Variants in COL3A1 observed in about 807,000 individuals in gnomAD.
The protein encoded by COL3A1 is collagen type III alpha 1 chain, also known as collagen alpha-1(III) chain.
COL3A1 carries 46 observed loss-of-function variants against 200.9 expected under a neutral mutation model. The ratio of observed to expected loss-of-function variants is 0.23; its 90% CI spans 0.18 to 0.29. COL3A1 has a LOEUF of 0.29. COL3A1 is among the 10% of genes least tolerant of loss of function. COL3A1 has a pLI of 1.00. For missense variants in COL3A1, 1,367 were observed against 1,917.6 expected, an observed-to-expected ratio of 0.71 and a Z score of 5.36; for synonymous variants, 650 against 628.0, an observed-to-expected ratio of 1.03 and a Z score of -0.52.
At chr2:188,974,926 T>C (rs1687776360) in intron 1 of COL3A1, among the ~76,000 whole-genome samples, 4 of 152,188 alleles carry the variant, frequency 2.6e-5, no homozygotes, top group Non-Finnish European at 5.9e-5. Flanking sequence ...CTTGCAATAA[T>C]TTTATGTTCC....
At chr2:188,998,443 T>G (rs530455861) in intron 28 of COL3A1, 124 bp downstream of exon 28, 3 of 1,006,266 alleles carry the variant, frequency 3.0e-6, no homozygotes, top group Non-Finnish European at 4.5e-6. Flanking sequence ...AGTTTTGAAA[T>G]ATTATCAAAA....
intron 28 of COL3A1, 104 bp downstream of exon 28, chr2:188,998,423 T>C: frequency 9.3e-7 from 1 of 1,071,280 alleles, no homozygotes; most frequent in Non-Finnish European, 1.4e-6. Context: ...ATATTTGAGA[T>C]TTAACATTTA....
chr2:188,997,807 T>C, intron 27 of COL3A1, 54 bp downstream of exon 27: 1 of 1,480,068 alleles, frequency 6.8e-7, no homozygotes, highest in Non-Finnish European at 9.4e-7. Context: ...AATTTTTTTG[T>C]GTCCCTAATA....
At position 189,001,403 on chromosome 2, in the gene COL3A1, A is replaced by G. The variant is rs775003113; in HGVS notation, c.2290A>G (p.Thr764Ala). 2.5e-6 allele frequency: 4 copies of G among 1,613,478 alleles called. No homozygotes were observed. Among genetic ancestry groups the G allele is most frequent in the Non-Finnish European group, 3.4e-6 (4 of 1,179,488 alleles). ...ATATTTTTATTTCCTCTAGGGTCCT[A>G]CTGGTCCTATTGGTCCTCCTGGCCC... ...VPGKDGPRGP[T>A]GPIGPPGPAG... Residue 764 changes from threonine to alanine, a missense_variant, in exon 33 of 51, where the codon ACT becomes GCT. Physicochemically the swap from Thr to Ala is moderately conservative, Grantham distance 58. This residue lies in a region of COL3A1 where 846 missense variants were observed against 1,147.9 expected (regional missense o/e 0.74). Coordinates refer to ENST00000304636, the MANE Select transcript of COL3A1 (RefSeq NM_000090.4).
At chr2:189,002,435 G>T in intron 35 of COL3A1, 84 bp downstream of exon 35, 1 of 1,292,340 alleles carries the variant, frequency 7.7e-7, no homozygotes, top group Non-Finnish European at 1.1e-6. Context: ...AGTCAAGTTT[G>T]GTTTCTAGTC....
intron 32 of COL3A1, among the ~76,000 whole-genome samples, 175 bp from the exon 33 acceptor site, chr2:189,001,222 T>C (rs1246162478): frequency 1.3e-5 from 2 of 152,234 alleles, no homozygotes. Context: ...TTGTGTTTAC[T>C]GAGCTCTGCA....
Position 188,984,830 on chromosome 2 carries a change from C to A in COL3A1, c.150C>A (p.Cys50Ter). Residue 50 changes from cysteine (C) to a stop codon, truncating the protein, a stop_gained, in exon 2 of 51, where the codon TGC becomes TGA. Coordinates refer to ENST00000304636, the MANE Select transcript of COL3A1 (RefSeq NM_000090.4). LOFTEE classifies it high-confidence loss of function. The part of the protein sequence containing the change: ...ADRDVWKPEP[C>*]QICVCDSGSV... ...GAGATGTCTGGAAGCCAGAACCATG[C>A]CAAATATGTGTCTGTGACTCAGGAT... 1 of 1,613,166 alleles carries A rather than the reference C, an allele frequency of 6.2e-7. No homozygotes were observed. The highest frequency in any genetic ancestry group is 8.5e-7 in the Non-Finnish European group (1 of 1,179,384).
At chr2:189,002,497 A>G (rs1576469786) in intron 35 of COL3A1, 146 bp downstream of exon 35, 1 of 737,954 alleles carries the variant, frequency 1.4e-6, no homozygotes, top group Non-Finnish European at 2.4e-6. Flanking sequence ...ATTTTGTTTT[A>G]CTTTACCCCT....
intron 40 of COL3A1, among the ~76,000 whole-genome samples, chr2:189,004,938 A>C (rs1039262825): frequency 6.6e-6 from 1 of 152,232 alleles, no homozygotes; most frequent in Admixed American, 6.5e-5. Context: ...TTTCATATTT[A>C]AGTGTGTTCA....
intron 1 of COL3A1, among the ~76,000 whole-genome samples, chr2:188,978,666 T>C (rs1220602505): frequency 6.6e-6 from 1 of 151,156 alleles, no homozygotes; most frequent in Non-Finnish European, 1.5e-5. Context: ...AGTTTCCAGG[T>C]CTACAATAAC....
At chr2:188,997,500 C>A in intron 26 of COL3A1, 111 bp downstream of exon 26, 2 of 1,284,820 alleles carry the variant, frequency 1.6e-6, no homozygotes, top group Non-Finnish European at 2.2e-6. Flanking sequence ...TTTACCAAAG[C>A]AATGATGAAA....
rs1576475136 is a variant in COL3A1 at position 189,011,930 on chromosome 2, C to A, written c.*156C>A. ...TATAATTTGACAAAGAAAAATGATACTTCTCTTTTTTTGCTGTTCCACCAA... is the reference window on the plus strand; with the variant it reads ...TATAATTTGACAAAGAAAAATGATAATTCTCTTTTTTTGCTGTTCCACCAA... On this transcript the variant is annotated 3_prime_UTR_variant, in exon 51 of 51. Coordinates refer to ENST00000304636, the MANE Select transcript of COL3A1 (RefSeq NM_000090.4). 1.3e-6 allele frequency: 1 copy of A among 792,698 alleles called. No individual in the cohort carries two copies. Among genetic ancestry groups the A allele is most frequent in the Non-Finnish European group, 2.0e-6 (1 of 499,176 alleles). 49.1% of individuals were successfully genotyped at this position (792,698 alleles called of 1,614,324 possible).
chr2:189,010,749 C>T lies in COL3A1; in HGVS notation c.4113C>T (p.His1371=). 6.2e-7 allele frequency: 1 copy of T among 1,614,110 alleles called. No individual in the cohort carries two copies. The highest frequency in any genetic ancestry group is 8.5e-7 in the Non-Finnish European group (1 of 1,180,008). The change falls in exon 50 of 51, where the codon CAC becomes CAT. Residue 1371 remains histidine, a synonymous_variant. Transcript: ENST00000304636. ...SSRASQNITY[H]CKNSIAYMDQ... ...GAGCTTCCCAGAACATCACATATCA[C>T]TGCAAAAATAGCATTGCATACATGG... is the stretch of plus-strand genomic sequence containing the variant.
intron 1 of COL3A1, among the ~76,000 whole-genome samples, chr2:188,978,481 A>G (rs938435794): frequency 2.0e-5 from 3 of 151,994 alleles, no homozygotes; most frequent in African/African-American, 7.2e-5. Context: ...CACAGTTTCC[A>G]TTGTGAATGG....
intron 1 of COL3A1, among the ~76,000 whole-genome samples, chr2:188,976,201 A>G (rs990842340): frequency 6.6e-6 from 1 of 152,088 alleles, no homozygotes; most frequent in African/African-American, 2.4e-5. Context: ...TTTAGCTCAA[A>G]AAATTGCAAC....
In COL3A1 at chr2:189,001,823, A is replaced by G. The variant is rs187527277; in HGVS notation, c.2391+234A>G. The stretch of plus-strand genomic sequence containing the variant: ...ATTTCTTTCCTAAATAACTTTGGAA[A>G]AAATACATGAATTGCACAAGTAGTA... On this transcript the variant is annotated intron_variant, in intron 34 of 50. Coordinates refer to ENST00000304636, the MANE Select transcript of COL3A1 (RefSeq NM_000090.4). Among the ~76,000 whole-genome samples the G allele has an allele frequency of 2.6e-4, 40 of 152,324 alleles. No individual in the cohort carries two copies. In the East Asian group the frequency reaches 7.3e-3, roughly 28 times the overall value.
intron 45 of COL3A1, 119 bp downstream of exon 45, chr2:189,007,726 G>A: frequency 8.0e-7 from 1 of 1,250,338 alleles, no homozygotes; most frequent in Non-Finnish European, 1.2e-6. Context: ...TGGATTTGAA[G>A]GCTAATTTGA....
At chr2:188,983,330 G>A (rs994439442) in intron 1 of COL3A1, among the ~76,000 whole-genome samples, 1 of 151,944 alleles carries the variant, frequency 6.6e-6, no homozygotes, top group Non-Finnish European at 1.5e-5. Flanking sequence ...TTCTTGAGTA[G>A]ATCAAGTGTC....
rs764285379 is a variant in COL3A1 at position 189,010,800 on chromosome 2, G to A, written c.4164G>A (p.Lys1388=). ...YMDQASGNVK[K]ALKLMGSNEG... ...ATCAGGCCAGTGGAAATGTAAAGAA[G>A]GCCCTGAAGCTGATGGGGTCAAATG... Residue 1388 remains lysine, a synonymous_variant, in exon 50 of 51, where the codon AAG becomes AAA. Transcript: ENST00000304636. The A allele has an allele frequency of 1.2e-6, 2 of 1,614,114 alleles. No homozygotes were observed. Among genetic ancestry groups the A allele is most frequent in the Non-Finnish European group, 1.7e-6 (2 of 1,180,006 alleles).
Sources: gnomAD v4.1 joint callset for allele counts (sites outside exome capture counted in the v4.1 genomes callset) on GRCh38, gnomAD v4.1.1 for gene constraint, gnomAD v4.1.1 regional missense constraint, MANE v1.5 for transcripts, NCBI Gene and HGNC (gene_info 2026-07-23, HGNC 2026-07-21) for gene names.